The following WDR47 variants were observed in gnomAD, a reference collection of about 807,000 sequenced individuals.
WDR47 encodes WD repeat domain 47, also known as WD repeat-containing protein 47.
Under a neutral mutation model 97.2 loss-of-function variants are expected in WDR47, and 32 were observed. The ratio of observed to expected loss-of-function variants is 0.33; its 90% CI spans 0.25 to 0.44. WDR47 has a LOEUF of 0.44. Ranked by LOEUF, WDR47 falls within the 20% of genes least tolerant of loss-of-function variation. The pLI, the probability that WDR47 is intolerant of heterozygous loss-of-function variation, is 1.00. For synonymous variants in WDR47, 375 were observed against 373.5 expected, an observed-to-expected ratio of 1.00 and a Z score of -0.05; for missense variants, 782 against 1,102.3, an observed-to-expected ratio of 0.71 and a Z score of 4.11.
At chr1:109,020,470 G>A (rs1661753173) in intron 2 of WDR47, among the ~76,000 whole-genome samples, 1 of 152,018 alleles carries the variant, frequency 6.6e-6, no homozygotes, top group Admixed American at 6.6e-5. Flanking sequence ...CACCGCATTA[G>A]CCAGGATGGT....
In WDR47 at chr1:109,011,082, A is replaced by G. The variant is rs1386962104; in HGVS notation, c.964T>C (p.Cys322Arg). The G allele has an allele frequency of 6.2e-7, 1 of 1,614,152 alleles. No homozygotes were observed. Among genetic ancestry groups the G allele is most frequent in the South Asian group, 1.1e-5 (1 of 91,082 alleles). Residue 322 changes from cysteine to arginine, a missense_variant, in exon 5 of 15, where the codon TGT (cysteine) becomes CGT (arginine). Physicochemically the swap from Cys to Arg is radical, Grantham distance 180. Coordinates refer to ENST00000369962, the MANE Select transcript of WDR47 (RefSeq NM_001142551.2). ...CTCTTATCATGACTGGTTAGTCCAC[A>G]GGTGAGGCCATCTAAAGCAGGATTC... ...SLNPALDGLT[C>R]GLTSHDKRIS...
At chr1:109,029,617 A>T (rs1271316223) in intron 1 of WDR47, among the ~76,000 whole-genome samples, 3 of 151,754 alleles carry the variant, frequency 2.0e-5, no homozygotes, top group Non-Finnish European at 4.4e-5. Flanking sequence ...GTTTGCAGTG[A>T]ACCAAGGTTG....
intron 13 of WDR47, among the ~76,000 whole-genome samples, chr1:108,979,751 A>G (rs1014069082): frequency 6.6e-6 from 1 of 152,200 alleles, no homozygotes; most frequent in Admixed American, 6.5e-5. Context: ...CAATAGAGTT[A>G]TATCAGTTTT....
In WDR47 at chr1:109,002,395, T is replaced by G; in HGVS notation, c.1262A>C (p.Asp421Ala). The G allele has an allele frequency of 1.3e-6, 2 of 1,597,900 alleles. No homozygotes were observed. Among genetic ancestry groups the G allele is most frequent in the Non-Finnish European group, 1.7e-6 (2 of 1,174,896 alleles). Residue 421 changes from aspartate (D) to alanine (A), a missense_variant, in exon 7 of 15, where the codon GAT (aspartate) becomes GCT (alanine). This residue lies in a region of WDR47 where 428 missense variants were observed against 584.3 expected (regional missense o/e 0.73). Transcript: ENST00000369962. ...ATATTCTTGAAATTGTTCTGTTGAA[T>G]CTCGAAGCTTAAAAACATTAGAAAA... The part of the protein sequence containing the change: ...PAKQEKNELR[D>A]STEQFQEYYR...
intron 1 of WDR47, 51 bp downstream of exon 1, chr1:109,041,811 C>A (rs960131434): frequency 6.6e-6 from 1 of 152,296 alleles, no homozygotes; most frequent in Non-Finnish European, 1.5e-5. Flanking sequence ...ACCATGGCAA[C>A]CCGAGGTGTG....
chr1:109,028,848 T>G (rs1229220770), intron 1 of WDR47, among the ~76,000 whole-genome samples: 1 of 152,160 alleles, frequency 6.6e-6, no homozygotes, highest in East Asian at 1.9e-4. Flanking sequence ...TCACCATTTT[T>G]ATGTGTACAG....
At chr1:109,013,635 T>C (rs576895257) in intron 4 of WDR47, among the ~76,000 whole-genome samples, 1 of 152,334 alleles carries the variant, frequency 6.6e-6, no homozygotes, top group East Asian at 1.9e-4. Context: ...ACTAGCCAGC[T>C]ATTTATATAT....
intron 7 of WDR47, 143 bp from the exon 8 acceptor site, chr1:108,995,980 A>T: frequency 1.2e-6 from 1 of 838,616 alleles, no homozygotes. Context: ...AATTACCACC[A>T]TCAACTTAAG....
intron 2 of WDR47, among the ~76,000 whole-genome samples, chr1:109,022,160 A>G (rs1002774206): frequency 6.6e-6 from 1 of 152,084 alleles, no homozygotes; most frequent in Admixed American, 6.6e-5. Flanking sequence ...AAAATTTTTT[A>G]AATATAAGTT....
chr1:109,001,319 TAAATA>T (rs201810199), intron 7 of WDR47, among the ~76,000 whole-genome samples: 2,434 of 152,076 alleles, frequency 0.016, 65 homozygotes, highest in African/African-American at 0.055. Flanking sequence ...ATTAATTAAT[TAAATA>T]AAATAATAAA....
At chr1:109,015,982 C>CAA (rs67794185) in intron 3 of WDR47, among the ~76,000 whole-genome samples, 37 of 98,952 alleles carry the variant, frequency 3.7e-4, no homozygotes, top group Admixed American at 4.3e-4. Context: ...GACTCCATCT[C>CAA]AAAAAAAAAA....
chr1:109,018,019 G>C (rs1276915930), intron 2 of WDR47, among the ~76,000 whole-genome samples: 2 of 151,864 alleles, frequency 1.3e-5, no homozygotes, highest in Non-Finnish European at 2.9e-5. Flanking sequence ...AAAGTGCTGG[G>C]ATTACAAGCG....
Position 109,023,399 on chromosome 1 carries a change from A to T in WDR47, c.114T>A (p.Ser38Arg). 1.2e-6 allele frequency: 2 copies of T among 1,613,858 alleles called. No individual in the cohort carries two copies. The highest frequency in any genetic ancestry group is 1.7e-6 in the Non-Finnish European group (2 of 1,179,894). Residue 38 changes from serine (S) to arginine (R), a missense_variant, in exon 2 of 15, where the codon AGT (serine) becomes AGA (arginine). Ser to Arg is a moderately radical substitution (Grantham distance 110). This residue lies in a region of WDR47 where 428 missense variants were observed against 584.3 expected (regional missense o/e 0.73). Coordinates refer to ENST00000369962, the MANE Select transcript of WDR47 (RefSeq NM_001142551.2). ...HISMLALEKESGVINGLFSDD... is the reference protein window; with the variant it reads ...HISMLALEKERGVINGLFSDD... ...CTGAAAACAGGCCATTTATGACTCC[A>T]CTTTCCTTCTCCAGGGCCAGCATAC...
intron 1 of WDR47, among the ~76,000 whole-genome samples, chr1:109,035,247 GAA>G (rs1174235842): frequency 6.2e-5 from 4 of 64,884 alleles, no homozygotes; most frequent in Non-Finnish European, 1.3e-4. Flanking sequence ...CCCTGTCTCA[GAA>G]AAAAAAAAAA....
At chr1:109,014,877 T>A (rs937352371) in intron 3 of WDR47, among the ~76,000 whole-genome samples, 1 of 152,162 alleles carries the variant, frequency 6.6e-6, no homozygotes, top group East Asian at 1.9e-4. Flanking sequence ...AAAAAAATAA[T>A]GAACCTTCAG....
chr1:108,982,875 T>C (rs562271635), intron 11 of WDR47, 96 bp from the exon 12 acceptor site: 1 of 1,317,694 alleles, frequency 7.6e-7, no homozygotes, highest in South Asian at 1.5e-5. Flanking sequence ...TCAAGAATAA[T>C]GGTTTAGAAA....
At position 109,009,100 on chromosome 1, in the gene WDR47, T is replaced by A. The variant is rs559211288; in HGVS notation, c.1130+1816A>T. ...CTCCATCTCAAAAAAAAAATAAAAA[T>A]AAAATAAAAATAAAAGAAACAGAAA... On this transcript the variant is annotated intron_variant, in intron 5 of 14. Coordinates refer to ENST00000369962, the MANE Select transcript of WDR47 (RefSeq NM_001142551.2). Among the ~76,000 whole-genome samples, 11 of 151,976 alleles carry A rather than the reference T, an allele frequency of 7.2e-5. No individual in the cohort carries two copies. The South Asian group carries it at 2.3e-3, about 32-fold the overall frequency.
chr1:108,997,478 T>C (rs935970737), intron 7 of WDR47, among the ~76,000 whole-genome samples: 2 of 148,054 alleles, frequency 1.4e-5, no homozygotes, highest in African/African-American at 5.0e-5. Flanking sequence ...GAAGGAGGGC[T>C]GGGCGCGGTG....
At chr1:108,974,072 T>C (rs1657693310) in intron 14 of WDR47, among the ~76,000 whole-genome samples, 2 of 152,062 alleles carry the variant, frequency 1.3e-5, no homozygotes, top group South Asian at 2.1e-4. Context: ...CATGCACCTG[T>C]AGTCCTAGCT....
Sources: allele counts gnomAD v4.1 joint callset (sites outside exome capture counted in the v4.1 genomes callset), GRCh38; gene constraint gnomAD v4.1.1; regional missense constraint gnomAD v4.1.1; transcripts MANE v1.5; gene names NCBI Gene and HGNC (gene_info 2026-07-23, HGNC 2026-07-21).